Variants in CCDC91 observed in about 807,000 individuals in gnomAD.
CCDC91 encodes coiled-coil domain containing 91, also known as coiled-coil domain-containing protein 91.
A neutral mutation model predicts 63.2 loss-of-function variants in CCDC91; 48 were observed. That is an observed-to-expected ratio of 0.76 (90% CI 0.60 to 0.97). The LOEUF (loss-of-function observed/expected upper bound fraction) is 0.97. CCDC91 is among the 50% of genes least tolerant of loss of function. The probability of loss-of-function intolerance (pLI) is 0.00; values close to 1 mark genes in which losing one functional copy is unlikely to be tolerated. For synonymous variants in CCDC91, 167 were observed against 165.8 expected, an observed-to-expected ratio of 1.01 and a Z score of -0.06; for missense variants, 500 against 494.6, an observed-to-expected ratio of 1.01 and a Z score of -0.10.
At chr12:28,256,840 T>C (rs1946491243) in intron 1 of CCDC91, 3 of 185,462 alleles carry the variant, frequency 1.6e-5, no homozygotes. Context: ...AGTCCTGTTC[T>C]TAGCTGGAGT....
At chr12:28,353,477 T>G (rs1045361347) in intron 6 of CCDC91, among the ~76,000 whole-genome samples, 1 of 152,218 alleles carries the variant, frequency 6.6e-6, no homozygotes, top group African/African-American at 2.4e-5. Context: ...TCACTAAGGT[T>G]AATTATTTCT....
chr12:28,335,492 C>T (rs1367531384), intron 6 of CCDC91, among the ~76,000 whole-genome samples: 1 of 150,096 alleles, frequency 6.7e-6, no homozygotes, highest in Non-Finnish European at 1.5e-5. Context: ...ACTGCAGCCT[C>T]GACCTCCCAG....
chr12:28,376,932 T>C (rs955904839), intron 7 of CCDC91, among the ~76,000 whole-genome samples: 12 of 151,824 alleles, frequency 7.9e-5, no homozygotes, highest in Non-Finnish European at 1.3e-4. Context: ...GGTACAATAG[T>C]GAGTGGAAAG....
At chr12:28,288,858 G>A (rs1458100014) in intron 3 of CCDC91, among the ~76,000 whole-genome samples, 8 of 152,064 alleles carry the variant, frequency 5.3e-5, no homozygotes, top group African/African-American at 1.2e-4. Context: ...TTCAGTTTGC[G>A]AGCTTGTTAT....
chr12:28,531,616 G>A (rs1261993283), intron 12 of CCDC91, among the ~76,000 whole-genome samples: 1 of 152,028 alleles, frequency 6.6e-6, no homozygotes, highest in East Asian at 1.9e-4. Flanking sequence ...TCTGTCATTT[G>A]CACACATTAT....
intron 7 of CCDC91, among the ~76,000 whole-genome samples, chr12:28,372,866 G>A (rs1443850705): frequency 6.6e-6 from 1 of 152,126 alleles, no homozygotes; most frequent in Non-Finnish European, 1.5e-5. Flanking sequence ...CCAGTACTGT[G>A]TTGAACAGAG....
chr12:28,196,171 C>A (rs1486230891), intron 1 of CCDC91, among the ~76,000 whole-genome samples: 2 of 152,172 alleles, frequency 1.3e-5, no homozygotes, highest in Non-Finnish European at 2.9e-5. Context: ...TGTTTTTAAG[C>A]TTTCCGCATA....
chr12:28,446,039 C>T (rs1458909134), intron 8 of CCDC91, among the ~76,000 whole-genome samples: 1 of 144,946 alleles, frequency 6.9e-6, no homozygotes, highest in Non-Finnish European at 1.6e-5. Flanking sequence ...TCTCTGAACT[C>T]ATAAAGGGCA....
chr12:28,496,456 A>C (rs1401994517), intron 12 of CCDC91, among the ~76,000 whole-genome samples: 5 of 151,752 alleles, frequency 3.3e-5, no homozygotes, highest in African/African-American at 1.2e-4. Flanking sequence ...GGTTTTATGC[A>C]GGGGAATCAT....
At chr12:28,286,793 G>A (rs528497811) in intron 3 of CCDC91, among the ~76,000 whole-genome samples, 6 of 152,206 alleles carry the variant, frequency 3.9e-5, no homozygotes, top group Admixed American at 1.3e-4. Context: ...GCCACACAGC[G>A]TTTCCACAGT....
At chr12:28,441,057 C>CAAAAAAAAAA (rs60278449) in intron 8 of CCDC91, among the ~76,000 whole-genome samples, 41 of 52,702 alleles carry the variant, frequency 7.8e-4, no homozygotes, top group East Asian at 3.1e-3. Context: ...GACTCCATCT[C>CAAAAAAAAAA]AAAAAAAAAA....
intron 8 of CCDC91, among the ~76,000 whole-genome samples, chr12:28,399,360 G>C (rs1946479665): frequency 6.6e-6 from 1 of 152,136 alleles, no homozygotes; most frequent in Non-Finnish European, 1.5e-5. Context: ...CTGCCACCAT[G>C]ATTTCCTCCC....
chr12:28,201,019 C>T (rs540495278), intron 1 of CCDC91, among the ~76,000 whole-genome samples: 24,540 of 126,918 alleles, frequency 0.19, 3,242 homozygotes, highest in Non-Finnish European at 0.25. Context: ...CCCCACCTCC[C>T]TCCCGGATGG....
At chr12:28,377,860 T>C (rs1381374332) in intron 7 of CCDC91, among the ~76,000 whole-genome samples, 1 of 152,048 alleles carries the variant, frequency 6.6e-6, no homozygotes, top group Non-Finnish European at 1.5e-5. Context: ...CTGTGTATTA[T>C]ATTCCAGATG....
At chr12:28,445,240 T>C (rs1336802241) in intron 8 of CCDC91, among the ~76,000 whole-genome samples, 3 of 152,134 alleles carry the variant, frequency 2.0e-5, no homozygotes, top group Non-Finnish European at 2.9e-5. Context: ...TTTGGGATAG[T>C]TGGATAACTT....
chr12:28,463,495 A>G (rs1950406244), intron 11 of CCDC91, among the ~76,000 whole-genome samples: 1 of 152,214 alleles, frequency 6.6e-6, no homozygotes, highest in African/African-American at 2.4e-5. Flanking sequence ...AAGTCTAAAC[A>G]TAAGAATACT....
At chr12:28,475,895 A>G (rs2140767641) in intron 11 of CCDC91, among the ~76,000 whole-genome samples, 1 of 152,090 alleles carries the variant, frequency 6.6e-6, no homozygotes, top group East Asian at 1.9e-4. Context: ...ATTTAGTAAT[A>G]CCTATGAATG....
At chr12:28,383,992 C>T (rs558622514) in intron 7 of CCDC91, among the ~76,000 whole-genome samples, 2 of 152,184 alleles carry the variant, frequency 1.3e-5, no homozygotes, top group South Asian at 4.1e-4. Flanking sequence ...AGTTTTAGAC[C>T]TCCAAATTGG....
intron 3 of CCDC91, among the ~76,000 whole-genome samples, chr12:28,288,190 T>C (rs1949020851): frequency 1.3e-5 from 2 of 152,210 alleles, no homozygotes; most frequent in Admixed American, 6.5e-5. Context: ...GGATGTACTT[T>C]ATTTCTTTCT....
Sources: gnomAD v4.1 joint callset for allele counts (sites outside exome capture counted in the v4.1 genomes callset) on GRCh38, gnomAD v4.1.1 for gene constraint, MANE v1.5 for transcripts, NCBI Gene and HGNC (gene_info 2026-07-23, HGNC 2026-07-21) for gene names.